Variants in CNNM4 observed in about 807,000 individuals in gnomAD.
CNNM4 encodes cyclin and CBS domain divalent metal cation transport mediator 4, also known as metal transporter CNNM4.
CNNM4 carries 32 observed loss-of-function variants against 53.7 expected under a neutral mutation model. The ratio of observed to expected loss-of-function variants is 0.60; its 90% CI spans 0.45 to 0.80. The LOEUF is 0.80. CNNM4 is among the 30% of genes least tolerant of loss of function. The pLI is 0.00. For missense variants in CNNM4, 784 were observed against 1,022.0 expected (o/e 0.77, Z 3.17); for synonymous variants, 410 against 440.0 (o/e 0.93, Z 0.85).
chr2:96,770,529 C>A (rs560833725), intron 1 of CNNM4, among the ~76,000 whole-genome samples: 1 of 152,318 alleles, frequency 6.6e-6, no homozygotes, highest in African/African-American at 2.4e-5. Flanking sequence ...TTGGACAAGA[C>A]CCGAAGGCTG....
At chr2:96,763,096 G>A (rs941936546) in intron 1 of CNNM4, among the ~76,000 whole-genome samples, 2 of 152,126 alleles carry the variant, frequency 1.3e-5, no homozygotes, top group African/African-American at 4.8e-5. Context: ...TCGCTTCTCA[G>A]AACAATGCCA....
intron 1 of CNNM4, among the ~76,000 whole-genome samples, chr2:96,765,373 G>A (rs1040138731): frequency 3.2e-4 from 48 of 151,728 alleles, no homozygotes; most frequent in African/African-American, 1.1e-3. Context: ...TGATCCACCC[G>A]CCTTGGCCTC....
At chr2:96,799,759 G>T in intron 5 of CNNM4, 111 bp downstream of exon 5, 1 of 970,752 alleles carries the variant, frequency 1.0e-6, no homozygotes, top group Admixed American at 2.0e-5. Flanking sequence ...CAGCTGGCTG[G>T]GGCAGAGGGA....
intron 1 of CNNM4, among the ~76,000 whole-genome samples, chr2:96,774,272 G>A (rs2078904624): frequency 6.6e-6 from 1 of 152,142 alleles, no homozygotes; most frequent in African/African-American, 2.4e-5. Flanking sequence ...GAGGCCACCA[G>A]GTGAGTCTCT....
intron 1 of CNNM4, among the ~76,000 whole-genome samples, chr2:96,795,278 C>T (rs1371539713): frequency 3.9e-5 from 6 of 152,172 alleles, no homozygotes; most frequent in South Asian, 4.1e-4. Flanking sequence ...CCCAGGGTCC[C>T]GGCCTGGCCC....
chr2:96,790,302 G>A lies in CNNM4; in HGVS notation c.1403-6710G>A, dbSNP rs572199018. Among the ~76,000 whole-genome samples the A allele has an allele frequency of 4.6e-5, 7 of 151,814 alleles. No homozygotes were observed. In the East Asian group the frequency reaches 5.8e-4, roughly 13 times the overall value. On this transcript the variant is annotated intron_variant, in intron 1 of 6. Coordinates refer to ENST00000377075, the MANE Select transcript of CNNM4 (RefSeq NM_020184.4). ...ATTACAGGCGTGAGCCACCGCACCC[G>A]GCCTAGAATTTTTTTTTAAAGTTAA... is the stretch of plus-strand genomic sequence containing the variant.
chr2:96,798,916 C>G (rs1465349727), intron 3 of CNNM4, 141 bp from the exon 4 acceptor site: 1 of 814,948 alleles, frequency 1.2e-6, no homozygotes, highest in Admixed American at 2.0e-5. Context: ...CAGGGAGGTG[C>G]AGAACGAGGG....
intron 1 of CNNM4, among the ~76,000 whole-genome samples, chr2:96,792,656 T>G (rs2079071907): frequency 1.3e-5 from 2 of 151,942 alleles, no homozygotes; most frequent in African/African-American, 4.8e-5. Flanking sequence ...TACAAAAAAT[T>G]AGCTGGGTGT....
At position 96,761,653 on chromosome 2, in the gene CNNM4, G is replaced by A. The variant is rs763483009; in HGVS notation, c.654G>A (p.Gln218=). ...ACCCCATGGAGCTGCGCATCGTGCA[G>A]AACTGTGGCACCGAGAAGGAGAGGC... ...ALDPMELRIV[Q]NCGTEKERRY... Residue 218 remains glutamine, a synonymous_variant, in exon 1 of 7, where the codon CAG becomes CAA. Coordinates refer to ENST00000377075, the MANE Select transcript of CNNM4 (RefSeq NM_020184.4). The surrounding 1 kb of genome is among the most constrained non-coding windows in gnomAD (Gnocchi z 6.0). 1.1e-5 allele frequency: 18 copies of A among 1,612,696 alleles called. 1 individual carries two copies. In the South Asian group the frequency reaches 1.9e-4, roughly 17 times the overall value.
intron 4 of CNNM4, 88 bp from the exon 5 acceptor site, chr2:96,799,464 A>G (rs1344211538): frequency 2.4e-6 from 3 of 1,262,658 alleles, no homozygotes; most frequent in Non-Finnish European, 3.4e-6. Context: ...CTCCTGCCCC[A>G]CTGTCCCTTG....
intron 1 of CNNM4, among the ~76,000 whole-genome samples, chr2:96,771,308 T>A (rs1290070826): frequency 1.3e-5 from 2 of 151,698 alleles, no homozygotes; most frequent in Admixed American, 6.6e-5. Context: ...TTTTTTTTTT[T>A]ATTTTGTTAT....
At chr2:96,799,401 T>C in intron 4 of CNNM4, 151 bp from the exon 5 acceptor site, 4 of 1,091,642 alleles carry the variant, frequency 3.7e-6, no homozygotes, top group Non-Finnish European at 5.5e-6. Context: ...AGGCCACTCT[T>C]GATCTCACAG....
chr2:96,781,974 C>G (rs192480442), intron 1 of CNNM4, among the ~76,000 whole-genome samples: 9 of 152,256 alleles, frequency 5.9e-5, no homozygotes, highest in Middle Eastern at 3.4e-3. Context: ...TTGCCAAATG[C>G]TCTTTTTGTA....
chr2:96,798,321 G>A (rs1295400568), intron 3 of CNNM4: 5 of 164,832 alleles, frequency 3.0e-5, no homozygotes, highest in Admixed American at 1.1e-4. Flanking sequence ...GAGAAGGGAC[G>A]CTTCCCCTTC....
intron 1 of CNNM4, among the ~76,000 whole-genome samples, chr2:96,791,558 G>A (rs2079062619): frequency 6.6e-6 from 1 of 150,750 alleles, no homozygotes; most frequent in Admixed American, 6.6e-5. Context: ...CACTGCACTT[G>A]AGCCTGGGCA....
intron 4 of CNNM4, 28 bp from the exon 5 acceptor site, chr2:96,799,524 C>G: frequency 1.3e-6 from 2 of 1,542,944 alleles, no homozygotes; most frequent in Non-Finnish European, 1.8e-6. Flanking sequence ...CTCACTTGGT[C>G]TCTAACTCCA....
intron 1 of CNNM4, among the ~76,000 whole-genome samples, chr2:96,783,357 C>G (rs2078990407): frequency 6.6e-6 from 1 of 152,168 alleles, no homozygotes; most frequent in Non-Finnish European, 1.5e-5. Flanking sequence ...CTGGAAGGGT[C>G]TGAACTCAGA....
At position 96,762,395 on chromosome 2, in the gene CNNM4, A is replaced by T; in HGVS notation, c.1396A>T (p.Lys466Ter). The T allele has an allele frequency of 1.2e-6, 2 of 1,614,016 alleles. No individual in the cohort carries two copies. Among genetic ancestry groups the T allele is most frequent in the Non-Finnish European group, 1.7e-6 (2 of 1,179,938 alleles). ...TKLDAMLEEF[K>*]KGKSHLAIVQ... is the part of the protein sequence containing the mutation. Reference sequence around the variant, plus strand: ...GTTGGATGCCATGCTGGAGGAGTTCAAGAAGGGTAAGGCCAGATGTAGTTC... The same window carrying T: ...GTTGGATGCCATGCTGGAGGAGTTCTAGAAGGGTAAGGCCAGATGTAGTTC... The change falls in exon 1 of 7, where the codon AAG becomes TAG. Residue 466 changes from lysine (K) to a stop codon, truncating the protein, a stop_gained. Coordinates refer to ENST00000377075, the MANE Select transcript of CNNM4 (RefSeq NM_020184.4). LOFTEE classifies it high-confidence loss of function.
At position 96,762,348 on chromosome 2, in the gene CNNM4, A is replaced by C; in HGVS notation, c.1349A>C (p.His450Pro). The change falls in exon 1 of 7, where the codon CAC becomes CCC. Residue 450 changes from histidine (H) to proline (P), a missense_variant. Coordinates refer to ENST00000377075, the MANE Select transcript of CNNM4 (RefSeq NM_020184.4). Reference protein sequence around the residue: ...TITRFYNHPVHFVFHDTKLDA... With the variant: ...TITRFYNHPVPFVFHDTKLDA... ...ACTCGCTTCTATAACCACCCGGTGC[A>C]CTTTGTCTTCCATGACACCAAGTTG... The C allele has an allele frequency of 6.2e-7, 1 of 1,614,160 alleles. No homozygotes were observed. Among genetic ancestry groups the C allele is most frequent in the South Asian group, 1.1e-5 (1 of 91,080 alleles).
Sources: gnomAD v4.1 joint callset for allele counts (sites outside exome capture counted in the v4.1 genomes callset) on GRCh38, gnomAD v4.1.1 for gene constraint, Gnocchi (gnomAD v3.1) non-coding constraint, MANE v1.5 for transcripts, NCBI Gene and HGNC (gene_info 2026-07-23, HGNC 2026-07-21) for gene names.